Variants in RBMS3 observed in about 807,000 individuals in gnomAD.
The protein encoded by RBMS3 is RNA-binding motif, single-stranded-interacting protein 3.
RBMS3 carries 27 observed loss-of-function variants against 66.8 expected under a neutral mutation model. That is an observed-to-expected ratio of 0.40 (90% CI 0.30 to 0.56). RBMS3 has a LOEUF of 0.56. Among genes scored for constraint, RBMS3 ranks in the 20% least tolerant of loss-of-function variants. The pLI, the probability that RBMS3 is intolerant of heterozygous loss-of-function variation, is 0.40. For synonymous variants in RBMS3, 188 were observed against 183.0 expected, an observed-to-expected ratio of 1.03 and a Z score of -0.22; for missense variants, 513 against 549.5, an observed-to-expected ratio of 0.93 and a Z score of 0.66.
intron 6 of RBMS3, among the ~76,000 whole-genome samples, chr3:29,862,261 A>C (rs895628590): frequency 1.3e-5 from 2 of 152,168 alleles, no homozygotes; most frequent in Non-Finnish European, 2.9e-5. Context: ...AAGAGTCTAC[A>C]TTTCTAACAA....
intron 1 of RBMS3, among the ~76,000 whole-genome samples, chr3:29,345,394 A>G (rs978487131): frequency 3.9e-5 from 6 of 152,198 alleles, no homozygotes; most frequent in Admixed American, 3.9e-4. Context: ...TTTAATAACA[A>G]GAAGCTCTAC....
At chr3:29,844,086 C>T (rs1014068928) in intron 6 of RBMS3, among the ~76,000 whole-genome samples, 4 of 152,006 alleles carry the variant, frequency 2.6e-5, no homozygotes, top group South Asian at 2.1e-4. Flanking sequence ...TGTAGTTTTA[C>T]ATTATTTGCT....
At chr3:29,609,534 A>G (rs1195320298) in intron 4 of RBMS3, among the ~76,000 whole-genome samples, 1 of 151,994 alleles carries the variant, frequency 6.6e-6, no homozygotes, top group African/African-American at 2.4e-5. Context: ...GAAGTATTTC[A>G]CTATGTAAAC....
At chr3:29,620,830 T>C (rs569658826) in intron 4 of RBMS3, among the ~76,000 whole-genome samples, 2 of 152,252 alleles carry the variant, frequency 1.3e-5, no homozygotes, top group African/African-American at 4.8e-5. Flanking sequence ...TTAGTCTTTT[T>C]AAAAACGTTA....
chr3:29,839,111 G>C (rs1041592915), intron 6 of RBMS3, among the ~76,000 whole-genome samples: 1 of 152,006 alleles, frequency 6.6e-6, no homozygotes, highest in African/African-American at 2.4e-5. Context: ...ATTTTTCAAG[G>C]TAGCGCCAGT....
At chr3:29,815,499 T>C (rs2057860868) in intron 6 of RBMS3, among the ~76,000 whole-genome samples, 1 of 152,198 alleles carries the variant, frequency 6.6e-6, no homozygotes, top group Admixed American at 6.5e-5. Flanking sequence ...TACCTCAGTT[T>C]GTTCTTTTTT....
intron 1 of RBMS3, among the ~76,000 whole-genome samples, chr3:29,313,069 A>G (rs762265660): frequency 8.6e-5 from 13 of 151,848 alleles, no homozygotes; most frequent in Non-Finnish European, 1.3e-4. Flanking sequence ...GCATATTCTT[A>G]CCATCTGTGG....
intron 1 of RBMS3, among the ~76,000 whole-genome samples, chr3:29,310,102 G>A (rs899214721): frequency 1.1e-4 from 16 of 151,614 alleles, no homozygotes; most frequent in African/African-American, 3.6e-4. Context: ...GGTCGAGGGG[G>A]CAGATATTGA....
intron 3 of RBMS3, among the ~76,000 whole-genome samples, chr3:29,536,391 T>A (rs1576156311): frequency 6.6e-6 from 1 of 152,174 alleles, no homozygotes. Context: ...CAAAAAAAAT[T>A]TACTTCCAAG....
At chr3:29,670,293 G>C (rs1489445530) in intron 4 of RBMS3, among the ~76,000 whole-genome samples, 1 of 152,126 alleles carries the variant, frequency 6.6e-6, no homozygotes, top group East Asian at 1.9e-4. Flanking sequence ...CCAGTTCCAA[G>C]AAGGCCAAAT....
In RBMS3 at chr3:30,004,034, T is replaced by A. The variant is rs1391413298; in HGVS notation, c.*172T>A. The A allele has an allele frequency of 2.4e-6, 1 of 422,816 alleles. No homozygotes were observed. Among genetic ancestry groups the A allele is most frequent in the Non-Finnish European group, 4.0e-6 (1 of 246,970 alleles). The allele number at this position is 422,816 out of a possible 1,614,324, so 26.2% of individuals were successfully genotyped here. ...CAATGAAAGCAAAGTTTTTATGTGC[T>A]GTGCAAATGGTCTTCATGTGGTCTG... On this transcript the variant is annotated 3_prime_UTR_variant, in exon 15 of 15. Coordinates refer to ENST00000383767, the MANE Select transcript of RBMS3 (RefSeq NM_001003793.3).
At chr3:29,387,201 T>C (rs2039048920) in intron 1 of RBMS3, among the ~76,000 whole-genome samples, 1 of 152,222 alleles carries the variant, frequency 6.6e-6, no homozygotes, top group African/African-American at 2.4e-5. Flanking sequence ...ATCACTATGG[T>C]TGACTTCTCA....
At chr3:29,383,197 A>G (rs775627389) in intron 1 of RBMS3, among the ~76,000 whole-genome samples, 2 of 152,342 alleles carry the variant, frequency 1.3e-5, no homozygotes, top group South Asian at 2.1e-4. Context: ...CAAGATAGCA[A>G]TTACCAATGT....
At chr3:29,729,146 C>T (rs976914088) in intron 4 of RBMS3, among the ~76,000 whole-genome samples, 1 of 148,864 alleles carries the variant, frequency 6.7e-6, no homozygotes, top group Non-Finnish European at 1.5e-5. Context: ...GCCCCACCCC[C>T]CAACCCCCTG....
chr3:29,353,890 G>A (rs185877493), intron 1 of RBMS3, among the ~76,000 whole-genome samples: 30 of 152,118 alleles, frequency 2.0e-4, no homozygotes, highest in Non-Finnish European at 3.7e-4. Context: ...TTATAGATGT[G>A]AGCCAAAAGT....
intron 4 of RBMS3, among the ~76,000 whole-genome samples, chr3:29,620,836 C>T (rs756317157): frequency 8.6e-5 from 13 of 151,704 alleles, no homozygotes; most frequent in Admixed American, 3.9e-4. Context: ...TTTTTAAAAA[C>T]GTTATCTTTT....
At position 29,998,594 on chromosome 3, in the gene RBMS3, C is replaced by A. The variant is rs199938309; in HGVS notation, c.1308-5262C>A. 7.6e-3 allele frequency among the ~76,000 whole-genome samples: 1,156 copies of A among 152,148 alleles called. 40 individuals are homozygous for A. In the East Asian group the frequency reaches 0.098, roughly 13 times the overall value. Reference sequence around the variant, plus strand: ...TACAGACCAATGGAACAGAACAGAGCCCTCAGAAATAATGCCGCATATCTA... The same window carrying A: ...TACAGACCAATGGAACAGAACAGAGACCTCAGAAATAATGCCGCATATCTA... On this transcript the variant is annotated intron_variant, in intron 14 of 14. Coordinates refer to ENST00000383767, the MANE Select transcript of RBMS3 (RefSeq NM_001003793.3).
At chr3:29,451,947 C>T (rs7632124) in intron 2 of RBMS3, among the ~76,000 whole-genome samples, 30,305 of 152,036 alleles carry the variant, frequency 0.2, 3,718 homozygotes, top group East Asian at 0.43. Flanking sequence ...CTTTGTTTCC[C>T]CTGAAAAGAG....
At chr3:29,507,358 T>G (rs1164629661) in intron 3 of RBMS3, among the ~76,000 whole-genome samples, 2 of 152,014 alleles carry the variant, frequency 1.3e-5, no homozygotes, top group African/African-American at 4.8e-5. Flanking sequence ...TCCTGAAAAC[T>G]TGGAAATAAC....
Sources: allele counts gnomAD v4.1 joint callset (sites outside exome capture counted in the v4.1 genomes callset), GRCh38; gene constraint gnomAD v4.1.1; transcripts MANE v1.5; gene names NCBI Gene and HGNC (gene_info 2026-07-23, HGNC 2026-07-21).